UXS1: variants seen among roughly 807,000 people sequenced by gnomAD.
UXS1 encodes the protein UDP-glucuronate decarboxylase 1, also known as UDP-glucuronic acid decarboxylase 1.
A neutral mutation model predicts 62.6 loss-of-function variants in UXS1; 33 were observed. The ratio of observed to expected loss-of-function variants is 0.53; its 90% confidence interval spans 0.40 to 0.70. UXS1 has a LOEUF of 0.70. UXS1 is among the 30% of genes least tolerant of loss of function. The pLI is 0.00. For synonymous variants in UXS1, 213 were observed against 206.8 expected, an observed-to-expected ratio of 1.03 and a Z score of -0.26; for missense variants, 434 against 556.3, an observed-to-expected ratio of 0.78 and a Z score of 2.21.
At chr2:106,098,853 G>A in intron 12 of UXS1, 80 bp from the exon 13 acceptor site, 1 of 1,348,088 alleles carries the variant, frequency 7.4e-7, no homozygotes, top group Non-Finnish European at 1.0e-6. Flanking sequence ...CGTGTCTGCA[G>A]AGACGTCTAC....
chr2:106,126,944 C>T (rs1680008059), intron 7 of UXS1, among the ~76,000 whole-genome samples: 1 of 152,164 alleles, frequency 6.6e-6, no homozygotes, highest in African/African-American at 2.4e-5. Flanking sequence ...AACCACTAAC[C>T]AATTCTCCAT....
intron 1 of UXS1, among the ~76,000 whole-genome samples, chr2:106,187,973 C>T (rs910289697): frequency 1.3e-5 from 2 of 152,128 alleles, no homozygotes; most frequent in African/African-American, 4.8e-5. Flanking sequence ...AACTCCCGAT[C>T]TCAGGTGATC....
intron 13 of UXS1, 68 bp downstream of exon 13, chr2:106,098,648 T>A: frequency 7.6e-7 from 1 of 1,317,390 alleles, no homozygotes; most frequent in African/African-American, 1.5e-5. Context: ...CACTTTCTAG[T>A]CAAGGTGTTA....
At chr2:106,194,117 G>C in intron 1 of UXS1, 31 bp downstream of exon 1, 1 of 1,448,822 alleles carries the variant, frequency 6.9e-7, no homozygotes, top group South Asian at 1.3e-5. Context: ...AATGAATGGG[G>C]CTCCCCAGCT....
At chr2:106,144,396 G>A (rs981152104) in intron 6 of UXS1, among the ~76,000 whole-genome samples, 1 of 152,148 alleles carries the variant, frequency 6.6e-6, no homozygotes, top group Non-Finnish European at 1.5e-5. Context: ...GAAACAGCAA[G>A]AAGAATATGA....
In UXS1 at chr2:106,108,582, C is replaced by T. The variant is rs573277824; in HGVS notation, c.880-3745G>A. On this transcript the variant is annotated intron_variant, in intron 10 of 14. Transcript: ENST00000283148. ...TTCTAACAGAAGACAGTGTGAGATT[C>T]GGTCCCTCTGGCTTCATTTCACAGA... 1.3e-3 allele frequency among the ~76,000 whole-genome samples: 204 copies of T among 152,234 alleles called. 1 individual carries two copies. The highest frequency in any genetic ancestry group is 4.4e-3 in the African/African-American group (184 of 41,532).
At chr2:106,121,923 C>T (rs1261941997) in intron 9 of UXS1, among the ~76,000 whole-genome samples, 4 of 152,200 alleles carry the variant, frequency 2.6e-5, no homozygotes, top group Non-Finnish European at 5.9e-5. Flanking sequence ...CGATTAAACT[C>T]TCATCCCAAG....
At chr2:106,173,389 CA>C (rs1487248004) in intron 1 of UXS1, among the ~76,000 whole-genome samples, 2 of 151,844 alleles carry the variant, frequency 1.3e-5, no homozygotes, top group Admixed American at 1.3e-4. Context: ...CCTGTCTCTA[CA>C]AAAAAATACA....
At chr2:106,179,102 C>G (rs1393640238) in intron 1 of UXS1, among the ~76,000 whole-genome samples, 7 of 152,234 alleles carry the variant, frequency 4.6e-5, no homozygotes, top group African/African-American at 1.7e-4. Context: ...TGAGGGTGCC[C>G]AGTCTCCCTC....
At chr2:106,094,721 C>T (rs1676937256) in intron 14 of UXS1, among the ~76,000 whole-genome samples, 1 of 152,200 alleles carries the variant, frequency 6.6e-6, no homozygotes, top group African/African-American at 2.4e-5. Flanking sequence ...AGAAAGCAAC[C>T]TTCATCTGAA....
intron 11 of UXS1, among the ~76,000 whole-genome samples, chr2:106,103,344 G>T (rs998200626): frequency 3.3e-5 from 5 of 152,214 alleles, no homozygotes; most frequent in African/African-American, 1.2e-4. Context: ...CATGTGGTGT[G>T]GGGGCTGGAG....
intron 6 of UXS1, among the ~76,000 whole-genome samples, chr2:106,139,762 C>G (rs1038225199): frequency 4.6e-5 from 7 of 152,100 alleles, no homozygotes; most frequent in Non-Finnish European, 8.8e-5. Flanking sequence ...ATGAAACTGC[C>G]AAGGACCAGT....
chr2:106,187,982 T>A (rs890733790), intron 1 of UXS1, among the ~76,000 whole-genome samples: 1 of 152,184 alleles, frequency 6.6e-6, no homozygotes, highest in Non-Finnish European at 1.5e-5. Context: ...TCTCAGGTGA[T>A]CCACCTGCCT....
rs904074058 is a variant in UXS1 at position 106,110,272 on chromosome 2, C to T, written c.879+2374G>A. Among the ~76,000 whole-genome samples, 10 of 152,220 alleles carry T rather than the reference C, an allele frequency of 6.6e-5. No individual in the cohort carries two copies. In the South Asian group the frequency reaches 1.4e-3, roughly 22 times the overall value. On this transcript the variant is annotated intron_variant, in intron 10 of 14. Transcript: ENST00000283148. ...TCATGGACGGCTCCAGAGATCTTCT[C>T]CCTTTTGTCTCTGGCACAAAAGCTT... is the stretch of plus-strand genomic sequence containing the variant.
chr2:106,107,121 G>A (rs906762139), intron 10 of UXS1, among the ~76,000 whole-genome samples: 10 of 152,168 alleles, frequency 6.6e-5, no homozygotes, highest in Admixed American at 4.6e-4. Context: ...CTGTGCTGCT[G>A]TCCTGCCCAT....
At chr2:106,166,012 C>T in intron 2 of UXS1, 44 bp downstream of exon 2, 1 of 1,585,734 alleles carries the variant, frequency 6.3e-7, no homozygotes, top group Non-Finnish European at 8.6e-7. Flanking sequence ...TGAAATGTGT[C>T]TATAAAATCC....
intron 10 of UXS1, among the ~76,000 whole-genome samples, chr2:106,110,179 C>T (rs756108020): frequency 6.6e-6 from 1 of 152,210 alleles, no homozygotes; most frequent in Non-Finnish European, 1.5e-5. Flanking sequence ...TCCCTCGGGA[C>T]TTCTGCCTCC....
chr2:106,138,197 C>T (rs994130707), intron 6 of UXS1: 2 of 985,372 alleles, frequency 2.0e-6, no homozygotes, highest in Non-Finnish European at 1.2e-6. Flanking sequence ...TCGTCGTCTG[C>T]TCCAGTCCTG....
chr2:106,107,765 G>A (rs1190636476), intron 10 of UXS1, among the ~76,000 whole-genome samples: 5 of 152,206 alleles, frequency 3.3e-5, no homozygotes, highest in South Asian at 2.1e-4. Context: ...ATTTCCCTGC[G>A]TGACTCGCCA....
Sources: gnomAD v4.1 joint callset for allele counts (sites outside exome capture counted in the v4.1 genomes callset) on GRCh38, gnomAD v4.1.1 for gene constraint, MANE v1.5 for transcripts, NCBI Gene and HGNC (gene_info 2026-07-23, HGNC 2026-07-21) for gene names.